Variants in FGGY observed in about 807,000 individuals in gnomAD.
FGGY encodes FGGY carbohydrate kinase domain-containing protein.
Under a neutral mutation model 71.3 loss-of-function variants are expected in FGGY, and 72 were observed. That is an observed-to-expected ratio of 1.01 (90% CI 0.84 to 1.23). The LOEUF (loss-of-function observed/expected upper bound fraction) is 1.23. FGGY is among the 50% of genes most tolerant of loss of function. The pLI is 0.00. For synonymous variants in FGGY, 251 were observed against 250.3 expected (o/e 1.00, Z -0.02); for missense variants, 668 against 682.3 (o/e 0.98, Z 0.23).
At chr1:59,361,760 C>G (rs1278253441) in intron 4 of FGGY, among the ~76,000 whole-genome samples, 1 of 152,140 alleles carries the variant, frequency 6.6e-6, no homozygotes, top group Non-Finnish European at 1.5e-5. Context: ...CTGAGAACTC[C>G]GGAGAAGATG....
chr1:59,585,369 A>T (rs1388292398), intron 8 of FGGY, among the ~76,000 whole-genome samples: 1 of 152,166 alleles, frequency 6.6e-6, no homozygotes, highest in East Asian at 1.9e-4. Flanking sequence ...AATACCACAC[A>T]TCTACAACCA....
At chr1:59,736,370 G>T (rs1323514110) in intron 14 of FGGY, among the ~76,000 whole-genome samples, 5 of 152,184 alleles carry the variant, frequency 3.3e-5, no homozygotes. Flanking sequence ...ACAGGCAGAG[G>T]TTGGAACAGT....
intron 7 of FGGY, among the ~76,000 whole-genome samples, chr1:59,537,840 ATCAAT>A (rs1202282584): frequency 6.6e-6 from 1 of 152,208 alleles, no homozygotes; most frequent in Non-Finnish European, 1.5e-5. Context: ...TTATACAAAA[ATCAAT>A]TCAAGATGGA....
intron 1 of FGGY, among the ~76,000 whole-genome samples, chr1:59,308,809 A>G (rs1379162271): frequency 6.6e-6 from 1 of 152,194 alleles, no homozygotes; most frequent in Non-Finnish European, 1.5e-5. Flanking sequence ...TCTATTCTTT[A>G]TTAAAAAATA....
At chr1:59,460,299 C>T (rs1056541596) in intron 6 of FGGY, among the ~76,000 whole-genome samples, 4 of 152,182 alleles carry the variant, frequency 2.6e-5, no homozygotes, top group African/African-American at 9.7e-5. Context: ...GCTCTCACTG[C>T]TAGCACAGCA....
At chr1:59,403,112 T>C (rs1276657278) in intron 5 of FGGY, among the ~76,000 whole-genome samples, 2 of 152,176 alleles carry the variant, frequency 1.3e-5, no homozygotes, top group African/African-American at 2.4e-5. Flanking sequence ...GACTGACACA[T>C]TTTGATAGTC....
intron 2 of FGGY, among the ~76,000 whole-genome samples, chr1:59,322,296 T>A (rs796397213): frequency 8.8e-4 from 133 of 150,786 alleles, no homozygotes; most frequent in East Asian, 8.0e-3. Context: ...TTTTTTTTTT[T>A]AATTAAAAAA....
At chr1:59,524,710 C>T (rs1270950056) in intron 7 of FGGY, among the ~76,000 whole-genome samples, 6 of 152,156 alleles carry the variant, frequency 3.9e-5, no homozygotes, top group South Asian at 2.1e-4. Flanking sequence ...GCTGGACACT[C>T]ATCTAGACGA....
At chr1:59,639,623 TGTCTTA>T (rs141339423) in intron 11 of FGGY, among the ~76,000 whole-genome samples, 5,642 of 152,298 alleles carry the variant, frequency 0.037, 206 homozygotes, top group African/African-American at 0.098. Flanking sequence ...CAGAAATAAG[TGTCTTA>T]ATTAGAGACA....
At chr1:59,531,021 G>T (rs1022432616) in intron 7 of FGGY, among the ~76,000 whole-genome samples, 18 of 152,184 alleles carry the variant, frequency 1.2e-4, no homozygotes, top group African/African-American at 4.3e-4. Flanking sequence ...TTAAAAATAG[G>T]CTGATGAACA....
At chr1:59,539,487 G>A (rs898569314) in intron 7 of FGGY, among the ~76,000 whole-genome samples, 15 of 152,190 alleles carry the variant, frequency 9.9e-5, no homozygotes, top group African/African-American at 2.2e-4. Flanking sequence ...CAAAGATGCC[G>A]TTGCCAGAGC....
At chr1:59,618,729 C>A (rs1008957926) in intron 9 of FGGY, among the ~76,000 whole-genome samples, 47 of 152,020 alleles carry the variant, frequency 3.1e-4, no homozygotes, top group Non-Finnish European at 6.0e-4. Context: ...GAGACTTAGA[C>A]TGGGAGACTT....
chr1:59,424,680 C>A (rs2066034569), intron 5 of FGGY, among the ~76,000 whole-genome samples: 1 of 152,190 alleles, frequency 6.6e-6, no homozygotes, highest in Non-Finnish European at 1.5e-5. Flanking sequence ...GCACTGTGAG[C>A]TCCCTGAGGA....
At chr1:59,390,796 A>G (rs1409651797) in intron 5 of FGGY, among the ~76,000 whole-genome samples, 2 of 152,210 alleles carry the variant, frequency 1.3e-5, no homozygotes, top group African/African-American at 4.8e-5. Context: ...TTATAGTCCA[A>G]TGATAGTCAC....
At chr1:59,570,004 C>T (rs547388205) in intron 8 of FGGY, among the ~76,000 whole-genome samples, 1 of 152,258 alleles carries the variant, frequency 6.6e-6, no homozygotes, top group African/African-American at 2.4e-5. Flanking sequence ...AGAAGAGTTC[C>T]TGGTTCCTTG....
intron 1 of FGGY, among the ~76,000 whole-genome samples, chr1:59,318,116 A>C (rs1055316339): frequency 5.9e-5 from 9 of 152,206 alleles, no homozygotes; most frequent in Non-Finnish European, 1.0e-4. Context: ...TGTCAATTGT[A>C]TTACTGCCTA....
chr1:59,568,074 A>G (rs1439394190), intron 8 of FGGY, among the ~76,000 whole-genome samples: 1 of 152,144 alleles, frequency 6.6e-6, no homozygotes, highest in Non-Finnish European at 1.5e-5. Context: ...AATATAATGC[A>G]TAACACTGCC....
At chr1:59,593,908 C>T (rs1420828533) in intron 8 of FGGY, among the ~76,000 whole-genome samples, 1 of 152,166 alleles carries the variant, frequency 6.6e-6, no homozygotes, top group Non-Finnish European at 1.5e-5. Flanking sequence ...AATTCCTGGC[C>T]CCTACTCTCC....
intron 1 of FGGY, among the ~76,000 whole-genome samples, chr1:59,301,706 C>CTTTTTTTTTGTTTT (rs2042760315): frequency 1.8e-5 from 1 of 54,964 alleles, no homozygotes; most frequent in South Asian, 1.0e-3. Flanking sequence ...TGTGATCATT[C>CTTTTTTTTTGTTTT]TTTTTTTTTT....
Sources: allele counts gnomAD v4.1 joint callset (sites outside exome capture counted in the v4.1 genomes callset), GRCh38; gene constraint gnomAD v4.1.1; transcripts MANE v1.5; gene names NCBI Gene and HGNC (gene_info 2026-07-23, HGNC 2026-07-21).